The following COMMD10 variants were observed in gnomAD, a reference collection of about 807,000 sequenced individuals.
COMMD10 encodes the protein COMM domain containing 10, also known as COMM domain-containing protein 10.
COMMD10 carries 33 observed loss-of-function variants against 28.9 expected under a neutral mutation model. The observed-to-expected ratio is 1.14, with a 90% CI of 0.87 to 1.53. The LOEUF (loss-of-function observed/expected upper bound fraction) is 1.53. COMMD10 is among the 40% of genes most tolerant of loss of function. The pLI is 0.00. For synonymous variants in COMMD10, 110 were observed against 81.7 expected, an observed-to-expected ratio of 1.35 and a Z score of -1.87; for missense variants, 310 against 233.4, an observed-to-expected ratio of 1.33 and a Z score of -2.14.
intron 5 of COMMD10, among the ~76,000 whole-genome samples, chr5:116,277,041 T>A (rs1750935487): frequency 6.6e-6 from 1 of 151,864 alleles, no homozygotes; most frequent in Admixed American, 6.6e-5. Flanking sequence ...ACATGAATAT[T>A]TCCATAAAGC....
At chr5:116,274,830 A>T (rs939352630) in intron 5 of COMMD10, among the ~76,000 whole-genome samples, 1 of 151,600 alleles carries the variant, frequency 6.6e-6, no homozygotes, top group African/African-American at 2.4e-5. Flanking sequence ...TTCTTGACAC[A>T]TTTGCCTTAA....
intron 4 of COMMD10, among the ~76,000 whole-genome samples, chr5:116,126,595 G>C (rs1580467855): frequency 6.6e-6 from 1 of 151,382 alleles, no homozygotes; most frequent in Non-Finnish European, 1.5e-5. Flanking sequence ...CAATGGAACA[G>C]AGTACAGCCC....
intron 4 of COMMD10, among the ~76,000 whole-genome samples, chr5:116,095,611 G>A (rs1347219353): frequency 1.3e-5 from 2 of 151,896 alleles, no homozygotes; most frequent in African/African-American, 2.4e-5. Context: ...ATCTTTCCCA[G>A]AACAGAACCA....
chr5:116,191,171 C>G (rs976757004), intron 5 of COMMD10, among the ~76,000 whole-genome samples: 2 of 152,108 alleles, frequency 1.3e-5, no homozygotes, highest in African/African-American at 2.4e-5. Flanking sequence ...GCAGGCCATT[C>G]CTGCATGACA....
chr5:116,175,608 G>T (rs1753479890), intron 5 of COMMD10, among the ~76,000 whole-genome samples: 1 of 84,510 alleles, frequency 1.2e-5, no homozygotes, highest in Non-Finnish European at 2.3e-5. Context: ...TAGCCAAAAG[G>T]TGGAGGCAAC....
chr5:116,157,361 A>G (rs1246526414), intron 5 of COMMD10, among the ~76,000 whole-genome samples: 2 of 152,220 alleles, frequency 1.3e-5, no homozygotes, highest in South Asian at 2.1e-4. Context: ...GTAGGTGGGC[A>G]AGGCAGTTGG....
chr5:116,234,625 T>C (rs148312082), intron 5 of COMMD10, among the ~76,000 whole-genome samples: 8 of 152,326 alleles, frequency 5.3e-5, no homozygotes, highest in African/African-American at 1.9e-4. Flanking sequence ...CATTGAAGTG[T>C]CCAGTAATGA....
At chr5:116,133,993 G>T in intron 4 of COMMD10, 75 bp from the exon 5 acceptor site, 1 of 863,016 alleles carries the variant, frequency 1.2e-6, no homozygotes. Context: ...TTCCTGCTGA[G>T]TGGAGATTTG....
At chr5:116,122,641 T>C (rs911621583) in intron 4 of COMMD10, among the ~76,000 whole-genome samples, 3 of 152,236 alleles carry the variant, frequency 2.0e-5, no homozygotes, top group African/African-American at 7.2e-5. Context: ...TTTGTTTGTG[T>C]CCTCTTTTAT....
At chr5:116,123,515 T>G (rs556563356) in intron 4 of COMMD10, among the ~76,000 whole-genome samples, 1 of 152,334 alleles carries the variant, frequency 6.6e-6, no homozygotes, top group African/African-American at 2.4e-5. Flanking sequence ...ATCAGGGATA[T>G]TGGTCTAAAG....
chr5:116,177,585 G>C (rs181483872), intron 5 of COMMD10, among the ~76,000 whole-genome samples: 11 of 150,578 alleles, frequency 7.3e-5, no homozygotes, highest in African/African-American at 2.7e-4. Context: ...TGCCTACTCT[G>C]TTAGTTTCTT....
At chr5:116,230,064 A>G (rs2112653299) in intron 5 of COMMD10, among the ~76,000 whole-genome samples, 1 of 152,074 alleles carries the variant, frequency 6.6e-6, no homozygotes, top group South Asian at 2.1e-4. Context: ...TTTGCCTCAT[A>G]TATCATAAAG....
At chr5:116,094,705 A>C (rs1750413208) in intron 4 of COMMD10, among the ~76,000 whole-genome samples, 1 of 152,238 alleles carries the variant, frequency 6.6e-6, no homozygotes, top group South Asian at 2.1e-4. Flanking sequence ...GGTATATTAA[A>C]GAAATATTTG....
chr5:116,266,519 A>G (rs1027970725), intron 5 of COMMD10, among the ~76,000 whole-genome samples: 1 of 151,858 alleles, frequency 6.6e-6, no homozygotes, highest in African/African-American at 2.4e-5. Flanking sequence ...TTGATGCAGT[A>G]GTAGTAAACC....
intron 5 of COMMD10, among the ~76,000 whole-genome samples, chr5:116,284,491 G>T (rs538403171): frequency 1.3e-5 from 2 of 151,928 alleles, no homozygotes; most frequent in South Asian, 4.2e-4. Flanking sequence ...TTCTTATTCA[G>T]TATGACATAA....
At chr5:116,255,284 T>C (rs1481313740) in intron 5 of COMMD10, among the ~76,000 whole-genome samples, 1 of 151,762 alleles carries the variant, frequency 6.6e-6, no homozygotes, top group African/African-American at 2.4e-5. Context: ...AGTTGGAGCA[T>C]TTAGTCCATT....
chr5:116,281,504 T>A lies in COMMD10; in HGVS notation c.511-10013T>A, dbSNP rs568991085. Among the ~76,000 whole-genome samples the A allele has an allele frequency of 3.3e-5, 5 of 151,844 alleles. No individual in the cohort carries two copies. In the East Asian group the frequency reaches 9.7e-4, roughly 29 times the overall value. ...CGTTTCACTTTGCATTGTTTTTAGATTAGGTGCAGAAAGTCCAAGTTTGGT... is the reference window on the plus strand; with the variant it reads ...CGTTTCACTTTGCATTGTTTTTAGAATAGGTGCAGAAAGTCCAAGTTTGGT... On this transcript the variant is annotated intron_variant, in intron 5 of 6. Coordinates refer to ENST00000274458, the MANE Select transcript of COMMD10 (RefSeq NM_016144.4).
chr5:116,091,957 T>C (rs1750311862), intron 3 of COMMD10, among the ~76,000 whole-genome samples: 1 of 152,214 alleles, frequency 6.6e-6, no homozygotes, highest in Non-Finnish European at 1.5e-5. Context: ...ACATACATTA[T>C]AGATCACAAA....
chr5:116,106,560 A>T (rs1161338801), intron 4 of COMMD10, among the ~76,000 whole-genome samples: 1 of 152,020 alleles, frequency 6.6e-6, no homozygotes, highest in African/African-American at 2.4e-5. Context: ...TGTCTTTTTG[A>T]TCTGTCTAAT....
Sources: gnomAD v4.1 joint callset for allele counts (sites outside exome capture counted in the v4.1 genomes callset) on GRCh38, gnomAD v4.1.1 for gene constraint, MANE v1.5 for transcripts, NCBI Gene and HGNC (gene_info 2026-07-23, HGNC 2026-07-21) for gene names.